ADAMTSL1: variants seen among roughly 807,000 people sequenced by gnomAD.
ADAMTSL1 encodes ADAMTS like 1.
Under a neutral mutation model 201.8 loss-of-function variants are expected in ADAMTSL1, and 126 were observed. That is an observed-to-expected ratio of 0.62 (90% CI 0.54 to 0.72). The LOEUF (loss-of-function observed/expected upper bound fraction) is 0.72, where lower values mean the gene tolerates loss of function less well. Ranked by LOEUF, ADAMTSL1 falls within the 30% of genes least tolerant of loss-of-function variation. The pLI is 0.00. For missense variants in ADAMTSL1, 2,679 were observed against 2,277.8 expected, an observed-to-expected ratio of 1.18 and a Z score of -3.59; for synonymous variants, 1,121 against 903.4, an observed-to-expected ratio of 1.24 and a Z score of -4.32.
intron 2 of ADAMTSL1, among the ~76,000 whole-genome samples, chr9:18,521,126 G>T (rs1202461862): frequency 1.3e-5 from 2 of 152,214 alleles, no homozygotes; most frequent in Non-Finnish European, 2.9e-5. Flanking sequence ...CTCAAAAAAG[G>T]ACAAAGACAC....
chr9:18,061,823 A>G (rs1822467372), intron 1 of ADAMTSL1, among the ~76,000 whole-genome samples: 4 of 152,264 alleles, frequency 2.6e-5, no homozygotes, highest in Admixed American at 2.6e-4. Context: ...CAATAGATAA[A>G]GTGCATTGGC....
intron 1 of ADAMTSL1, among the ~76,000 whole-genome samples, chr9:18,483,805 C>T (rs11789989): frequency 0.16 from 23,791 of 151,944 alleles, 2,327 homozygotes; most frequent in African/African-American, 0.28. Context: ...CCAGCCTGGG[C>T]GACAGAGCAA....
intron 1 of ADAMTSL1, among the ~76,000 whole-genome samples, chr9:18,130,145 A>T (rs1402505840): frequency 6.6e-6 from 1 of 152,070 alleles, no homozygotes; most frequent in Non-Finnish European, 1.5e-5. Flanking sequence ...CCATCACAGT[A>T]ACCTCAGCTA....
At chr9:18,034,567 A>G (rs976552531) in intron 1 of ADAMTSL1, among the ~76,000 whole-genome samples, 1 of 152,110 alleles carries the variant, frequency 6.6e-6, no homozygotes, top group Non-Finnish European at 1.5e-5. Flanking sequence ...TATTTTTGGT[A>G]AGAAAACTAC....
intron 16 of ADAMTSL1, among the ~76,000 whole-genome samples, chr9:18,756,281 C>CAAAAAAAA (rs11326013): frequency 1.5e-5 from 1 of 68,490 alleles, no homozygotes; most frequent in African/African-American, 6.1e-5. Flanking sequence ...TCTGTCTCGA[C>CAAAAAAAA]AAAAAAAAAA....
chr9:18,157,444 G>A (rs1331142973), intron 1 of ADAMTSL1, among the ~76,000 whole-genome samples: 1 of 151,880 alleles, frequency 6.6e-6, no homozygotes, highest in African/African-American at 2.4e-5. Context: ...TAGGGTAATG[G>A]AGTTTCTTTT....
intron 3 of ADAMTSL1, among the ~76,000 whole-genome samples, chr9:18,550,843 T>C (rs1026139242): frequency 6.6e-6 from 1 of 151,968 alleles, no homozygotes; most frequent in Admixed American, 6.6e-5. Flanking sequence ...AAAACATATT[T>C]GTGTATTACT....
Position 18,293,447 on chromosome 9 carries a change from A to G in ADAMTSL1, c.207+129466A>G, listed in dbSNP as rs113924711. On this transcript the variant is annotated intron_variant, in intron 2 of 29. Transcript: ENST00000680146. The stretch of plus-strand genomic sequence containing the variant: ...ACTTCAAAAATCATATTAATTGACT[A>G]GACCAGCAGTCATCATCTTAAGAAT... Among the ~76,000 whole-genome samples, 7 of 152,352 alleles carry G rather than the reference A, an allele frequency of 4.6e-5. 1 individual carries two copies. Among genetic ancestry groups the G allele is most frequent in the African/African-American group, 1.4e-4 (6 of 41,588 alleles).
chr9:18,898,289 T>C (rs1015547258), intron 26 of ADAMTSL1, among the ~76,000 whole-genome samples: 3 of 152,134 alleles, frequency 2.0e-5, no homozygotes, highest in Admixed American at 1.3e-4. Context: ...GTAGAGGAGC[T>C]GGTAACCAGA....
intron 9 of ADAMTSL1, among the ~76,000 whole-genome samples, chr9:18,668,597 G>A (rs930008295): frequency 6.6e-6 from 1 of 152,092 alleles, no homozygotes; most frequent in African/African-American, 2.4e-5. Context: ...TACTAGCTAA[G>A]TAACTTCTTA....
intron 23 of ADAMTSL1, among the ~76,000 whole-genome samples, chr9:18,860,746 C>T (rs10963812): frequency 0.47 from 70,759 of 151,734 alleles, 17,973 homozygotes; most frequent in East Asian, 0.56. Flanking sequence ...TTTTCCTTCT[C>T]TATATTCTAG....
At chr9:18,099,343 ATATATATATATATTTTTTTT>A (rs1014254405) in intron 1 of ADAMTSL1, among the ~76,000 whole-genome samples, 5 of 52,304 alleles carry the variant, frequency 9.6e-5, no homozygotes, top group Admixed American at 1.9e-4. Context: ...ATATATATAT[ATATATATATATATTTTTTTT>A]TTTTTTTTTA....
intron 3 of ADAMTSL1, among the ~76,000 whole-genome samples, chr9:18,563,415 C>T (rs1363259013): frequency 2.0e-5 from 3 of 152,136 alleles, no homozygotes; most frequent in African/African-American, 7.2e-5. Flanking sequence ...CACCAGATGC[C>T]AGCTGGAGCT....
intron 23 of ADAMTSL1, among the ~76,000 whole-genome samples, chr9:18,849,592 G>A (rs1288024906): frequency 6.6e-6 from 1 of 152,206 alleles, no homozygotes; most frequent in Non-Finnish European, 1.5e-5. Context: ...TGCCAAGGAA[G>A]GACAGGGATG....
At chr9:18,544,022 T>C (rs1054867111) in intron 3 of ADAMTSL1, among the ~76,000 whole-genome samples, 1 of 152,212 alleles carries the variant, frequency 6.6e-6, no homozygotes, top group East Asian at 1.9e-4. Flanking sequence ...TGAACACTCG[T>C]CAGTGGAAAG....
chr9:18,341,551 C>T (rs1835463837), intron 2 of ADAMTSL1, among the ~76,000 whole-genome samples: 2 of 152,088 alleles, frequency 1.3e-5, no homozygotes, highest in African/African-American at 4.8e-5. Context: ...TTTTGACTTC[C>T]TATATGATGG....
At chr9:18,048,682 G>C (rs192349813) in intron 1 of ADAMTSL1, among the ~76,000 whole-genome samples, 1 of 152,258 alleles carries the variant, frequency 6.6e-6, no homozygotes, top group East Asian at 1.9e-4. Flanking sequence ...AATGGTTGGG[G>C]TTTGACAGCC....
intron 1 of ADAMTSL1, among the ~76,000 whole-genome samples, chr9:18,118,033 C>T (rs1484372928): frequency 1.3e-5 from 2 of 152,120 alleles, no homozygotes; most frequent in Admixed American, 6.5e-5. Flanking sequence ...CAATTAAATC[C>T]ATCATGAATG....
chr9:18,558,037 A>G (rs1395114309), intron 3 of ADAMTSL1, among the ~76,000 whole-genome samples: 5 of 151,982 alleles, frequency 3.3e-5, no homozygotes, highest in Non-Finnish European at 5.9e-5. Flanking sequence ...TACTTTAAAT[A>G]CTGGGATACA....
Sources: gnomAD v4.1 joint callset for allele counts (sites outside exome capture counted in the v4.1 genomes callset) on GRCh38, gnomAD v4.1.1 for gene constraint, MANE v1.5 for transcripts, NCBI Gene and HGNC (gene_info 2026-07-23, HGNC 2026-07-21) for gene names.